KCNH7: variants seen among roughly 807,000 people sequenced by gnomAD.
KCNH7 encodes voltage-gated inwardly rectifying potassium channel KCNH7.
KCNH7 carries 49 observed loss-of-function variants against 120.8 expected under a neutral mutation model. The observed-to-expected ratio is 0.41, with a 90% CI of 0.32 to 0.51. The LOEUF (loss-of-function observed/expected upper bound fraction) is 0.51, where lower values mean the gene tolerates loss of function less well. Ranked by LOEUF, KCNH7 falls within the 20% of genes least tolerant of loss-of-function variation. KCNH7 has a pLI of 0.38. For synonymous variants in KCNH7, 547 were observed against 516.1 expected (o/e 1.06, Z -0.81); for missense variants, 1,097 against 1,446.6 (o/e 0.76, Z 3.92).
intron 1 of KCNH7, 55 bp downstream of exon 1, chr2:162,838,388 A>C: frequency 6.5e-5 from 89 of 1,366,756 alleles, no homozygotes; most frequent in Non-Finnish European, 8.4e-5. Flanking sequence ...GGTGGACGCC[A>C]AGTGCACTAA....
At chr2:162,450,085 T>C (rs1246829280) in intron 6 of KCNH7, among the ~76,000 whole-genome samples, 1 of 152,090 alleles carries the variant, frequency 6.6e-6, no homozygotes, top group Non-Finnish European at 1.5e-5. Context: ...TTCAAAGATT[T>C]ACTTGCGTTA....
chr2:162,629,556 A>C (rs1015427173), intron 2 of KCNH7, among the ~76,000 whole-genome samples: 2 of 152,150 alleles, frequency 1.3e-5, no homozygotes, highest in African/African-American at 2.4e-5. Flanking sequence ...CACTCTGCCC[A>C]GGTCCAGCAG....
At chr2:162,748,809 T>C (rs1039653047) in intron 2 of KCNH7, among the ~76,000 whole-genome samples, 1 of 148,798 alleles carries the variant, frequency 6.7e-6, no homozygotes, top group Non-Finnish European at 1.5e-5. Context: ...CAGACATATC[T>C]TTAATCCTTC....
intron 2 of KCNH7, among the ~76,000 whole-genome samples, chr2:162,538,522 G>T (rs957021659): frequency 6.6e-6 from 1 of 152,058 alleles, no homozygotes; most frequent in Admixed American, 6.6e-5. Flanking sequence ...GGAGACAGGG[G>T]CCGGGCAAAC....
chr2:162,601,181 C>T (rs1694539087), intron 2 of KCNH7, among the ~76,000 whole-genome samples: 1 of 151,882 alleles, frequency 6.6e-6, no homozygotes, highest in Admixed American at 6.6e-5. Context: ...GTTCACGATG[C>T]TCCAGTTTAT....
At chr2:162,583,788 A>T (rs1350138079) in intron 2 of KCNH7, among the ~76,000 whole-genome samples, 1 of 152,126 alleles carries the variant, frequency 6.6e-6, no homozygotes, top group Non-Finnish European at 1.5e-5. Flanking sequence ...CAGCAGTAAG[A>T]ATAGGGCACT....
intron 2 of KCNH7, among the ~76,000 whole-genome samples, chr2:162,790,569 T>C (rs916591745): frequency 6.6e-6 from 1 of 151,976 alleles, no homozygotes; most frequent in African/African-American, 2.4e-5. Context: ...TAAACATAGA[T>C]GCAAAAATCC....
At chr2:162,652,824 C>A (rs1270991382) in intron 2 of KCNH7, among the ~76,000 whole-genome samples, 1 of 152,138 alleles carries the variant, frequency 6.6e-6, no homozygotes, top group African/African-American at 2.4e-5. Context: ...TAAAAAGCTG[C>A]TTTTCTTTAT....
At position 162,404,860 on chromosome 2, in the gene KCNH7, C is replaced by G. The variant is rs1276897755; in HGVS notation, c.2155-4419G>C. Among the ~76,000 whole-genome samples the G allele has an allele frequency of 2.6e-5, 4 of 152,016 alleles. No individual in the cohort carries two copies. The South Asian group carries it at 8.3e-4, about 31-fold the overall frequency. Reference sequence around the variant, plus strand: ...GAGCATAACAATGAATTAAACATGTCTGAAATTATATCTGGACTTAAAGCC... The same window carrying G: ...GAGCATAACAATGAATTAAACATGTGTGAAATTATATCTGGACTTAAAGCC... On this transcript the variant is annotated intron_variant, in intron 9 of 15. Coordinates refer to ENST00000332142, the MANE Select transcript of KCNH7 (RefSeq NM_033272.4).
At chr2:162,613,183 G>A (rs929017334) in intron 2 of KCNH7, among the ~76,000 whole-genome samples, 1 of 151,870 alleles carries the variant, frequency 6.6e-6, no homozygotes, top group East Asian at 1.9e-4. Context: ...ATATCATACT[G>A]AGACTGCAGA....
At chr2:162,752,911 A>AAGAAAAGAAG (rs1688618118) in intron 2 of KCNH7, among the ~76,000 whole-genome samples, 1 of 45,024 alleles carries the variant, frequency 2.2e-5, no homozygotes, top group Non-Finnish European at 4.1e-5. Flanking sequence ...AGAAAAAGAA[A>AAGAAAAGAAG]AGAAAAGAAA....
chr2:162,575,728 C>T (rs1164930858), intron 2 of KCNH7, among the ~76,000 whole-genome samples: 2 of 152,056 alleles, frequency 1.3e-5, no homozygotes, highest in East Asian at 1.9e-4. Flanking sequence ...AACTGCATTG[C>T]CTTTTCAAAA....
intron 2 of KCNH7, among the ~76,000 whole-genome samples, chr2:162,546,565 C>T (rs1692485627): frequency 6.6e-6 from 1 of 152,106 alleles, no homozygotes; most frequent in African/African-American, 2.4e-5. Flanking sequence ...TGGGGACAGC[C>T]ACCCCGTGTG....
chr2:162,469,712 CG>C (rs1558961981), intron 6 of KCNH7, among the ~76,000 whole-genome samples: 1 of 151,456 alleles, frequency 6.6e-6, no homozygotes, highest in African/African-American at 2.4e-5. Flanking sequence ...CCTCTCCCCA[CG>C]GTCTCCCTCT....
At chr2:162,657,347 C>A (rs540330946) in intron 2 of KCNH7, among the ~76,000 whole-genome samples, 2 of 152,248 alleles carry the variant, frequency 1.3e-5, no homozygotes, top group Non-Finnish European at 2.9e-5. Context: ...TTGCAACCAC[C>A]GATTGTTTGA....
chr2:162,653,041 T>C (rs1684623122), intron 2 of KCNH7, among the ~76,000 whole-genome samples: 1 of 152,176 alleles, frequency 6.6e-6, no homozygotes, highest in South Asian at 2.1e-4. Context: ...AGAGTTATAA[T>C]TCCATTTCAC....
intron 9 of KCNH7, among the ~76,000 whole-genome samples, chr2:162,407,814 C>A (rs1249939843): frequency 1.3e-5 from 2 of 151,940 alleles, no homozygotes; most frequent in Non-Finnish European, 2.9e-5. Context: ...TGTAGATGAC[C>A]TTAGCTTGCC....
At chr2:162,470,549 G>A (rs181486579) in intron 6 of KCNH7, among the ~76,000 whole-genome samples, 11,061 of 151,866 alleles carry the variant, frequency 0.073, 1,245 homozygotes, top group African/African-American at 0.25. Context: ...GTCTCCGCCC[G>A]GCAGCCACCC....
chr2:162,406,815 C>A (rs1049172634), intron 9 of KCNH7, among the ~76,000 whole-genome samples: 5 of 151,884 alleles, frequency 3.3e-5, no homozygotes, highest in Admixed American at 3.3e-4. Flanking sequence ...AGCTAACGTC[C>A]CAACATAATG....
Sources: gnomAD v4.1 joint callset for allele counts (sites outside exome capture counted in the v4.1 genomes callset) on GRCh38, gnomAD v4.1.1 for gene constraint, MANE v1.5 for transcripts, NCBI Gene and HGNC (gene_info 2026-07-23, HGNC 2026-07-21) for gene names.